ZGRF1: variants seen among roughly 807,000 people sequenced by gnomAD.
The protein encoded by ZGRF1 is 5'-3' DNA helicase ZGRF1.
In ZGRF1, 196 loss-of-function variants were observed where a neutral mutation model predicts 203.5. That is an observed-to-expected ratio of 0.96 (90% confidence interval 0.86 to 1.08). ZGRF1 has a LOEUF of 1.08. Ranked by LOEUF, ZGRF1 falls within the 50% of genes least tolerant of loss-of-function variation. The pLI, the probability that ZGRF1 is intolerant of heterozygous loss-of-function variation, is 0.00. For synonymous variants in ZGRF1, 809 were observed against 841.3 expected (o/e 0.96, Z 0.66); for missense variants, 2,326 against 2,416.3 (o/e 0.96, Z 0.78).
intron 16 of ZGRF1, among the ~76,000 whole-genome samples, chr4:112,573,353 G>A (rs554757364): frequency 6.8e-4 from 103 of 152,104 alleles, no homozygotes; most frequent in Admixed American, 1.3e-3. Context: ...GCTAAGTTAT[G>A]AGGGTACAAA....
rs1268310409 is a variant in ZGRF1, at chr4:112,560,715, T to A, written c.4960+18A>T. 2 of 1,544,754 alleles carry A rather than the reference T, an allele frequency of 1.3e-6. No individual in the cohort carries two copies. Among genetic ancestry groups the A allele is most frequent in the Admixed American group, 4.0e-5 (2 of 50,374 alleles). ...CAAATAGAAAACAATTACAATTATT[T>A]TCTTTCTTGCTTCTTACCATGTATG... On this transcript the variant is annotated intron_variant, in intron 19 of 27. Transcript: ENST00000505019.
chr4:112,633,599 TACC>T (rs1180435870), intron 1 of ZGRF1, among the ~76,000 whole-genome samples: 1 of 152,260 alleles, frequency 6.6e-6, no homozygotes, highest in East Asian at 1.9e-4. Context: ...TTGCTACGGT[TACC>T]ACAAGATGGC....
rs183447990 is a variant in ZGRF1, at chr4:112,624,310, C to T, written c.103-434G>A. On this transcript the variant is annotated intron_variant, in intron 3 of 27. Coordinates refer to ENST00000505019, the MANE Select transcript of ZGRF1 (RefSeq NM_018392.5). ...GCAGGTGGATCACTTGAGGTCTAGA[C>T]CAGCCTGGCCAACATGGCAAAACCC... Among the ~76,000 whole-genome samples the T allele has an allele frequency of 4.6e-5, 7 of 152,012 alleles. No individual in the cohort carries two copies. In the East Asian group the frequency reaches 1.2e-3, roughly 25 times the overall value.
intron 15 of ZGRF1, among the ~76,000 whole-genome samples, chr4:112,582,894 T>C (rs571664515): frequency 6.6e-6 from 1 of 152,324 alleles, no homozygotes; most frequent in East Asian, 1.9e-4. Context: ...CATCCATTGA[T>C]GGACACTTAG....
intron 10 of ZGRF1, among the ~76,000 whole-genome samples, chr4:112,598,973 C>T (rs1578404813): frequency 1.3e-5 from 2 of 151,972 alleles, no homozygotes; most frequent in East Asian, 1.9e-4. Flanking sequence ...ATCACTTGAG[C>T]CTGGGAGACA....
chr4:112,632,407 G>A (rs1250246480), intron 2 of ZGRF1, among the ~76,000 whole-genome samples: 2 of 152,184 alleles, frequency 1.3e-5, no homozygotes, highest in Non-Finnish European at 2.9e-5. Context: ...AATAATCTGT[G>A]CAGTTCTCAA....
chr4:112,586,571 A>G lies in ZGRF1; in HGVS notation c.3790T>C (p.Ser1264Pro). 6.2e-7 allele frequency: 1 copy of G among 1,608,724 alleles called. No homozygotes were observed. The highest frequency in any genetic ancestry group is 8.5e-7 in the Non-Finnish European group (1 of 1,176,912). Residue 1264 changes from serine to proline, a missense_variant, in exon 13 of 28, where the codon TCT becomes CCT. Transcript: ENST00000505019. The part of the protein sequence containing the change: ...SVKDLQEISG[S>P]ELCFPSGQKI... ...TGCCCACTTGGAAAGCACAGCTCAG[A>G]GCCACTTATCTCCTGCAATGGAATA... is the stretch of plus-strand genomic sequence containing the variant.
intron 4 of ZGRF1, among the ~76,000 whole-genome samples, chr4:112,621,223 A>G (rs1232604563): frequency 6.6e-6 from 1 of 152,240 alleles, no homozygotes; most frequent in Non-Finnish European, 1.5e-5. Context: ...CTTTAAATGA[A>G]TAAGATACTC....
In ZGRF1 at chr4:112,540,071, C is replaced by T; in HGVS notation, c.5964G>A (p.Val1988=). The T allele has an allele frequency of 6.2e-7, 1 of 1,601,728 alleles. No homozygotes were observed. The highest frequency in any genetic ancestry group is 2.2e-5 in the East Asian group (1 of 44,692). ...GAAAAGCATCTACTGTGGACACCTG[C>T]ACAGTTTTAATATCAGGATGGTGAA... ...VDFHHPDIKT[V]QVSTVDAFQG... The change falls in exon 27 of 28, where the codon GTG becomes GTA. Residue 1988 remains valine (V), a synonymous_variant. Coordinates refer to ENST00000505019, the MANE Select transcript of ZGRF1 (RefSeq NM_018392.5).
Position 112,625,699 on chromosome 4 carries a change from C to A in ZGRF1, c.103-1823G>T, listed in dbSNP as rs1442521412. Among the ~76,000 whole-genome samples the A allele has an allele frequency of 4.0e-5, 6 of 151,458 alleles. No individual in the cohort carries two copies. The East Asian group carries it at 1.2e-3, about 29-fold the overall frequency. ...ATCACCTGAGGTCAGGAGTTCGAGA[C>A]CAGCCTGACCAACACGGAGAAACCC... On this transcript the variant is annotated intron_variant, in intron 3 of 27. Transcript: ENST00000505019.
intron 6 of ZGRF1, among the ~76,000 whole-genome samples, chr4:112,615,914 C>T (rs548092916): frequency 2.0e-5 from 3 of 152,268 alleles, no homozygotes; most frequent in Non-Finnish European, 2.9e-5. Context: ...GGATTACAGG[C>T]ATGAGCCACT....
chr4:112,608,492 T>C (rs1470468484), intron 8 of ZGRF1, among the ~76,000 whole-genome samples: 1 of 152,026 alleles, frequency 6.6e-6, no homozygotes, highest in Non-Finnish European at 1.5e-5. Flanking sequence ...TGGTAGTGCA[T>C]GCCTGTCACC....
chr4:112,564,158 T>C (rs1202799142), intron 16 of ZGRF1, among the ~76,000 whole-genome samples: 1 of 152,174 alleles, frequency 6.6e-6, no homozygotes, highest in African/African-American at 2.4e-5. Flanking sequence ...ATCAGATCAG[T>C]AAGGATATTA....
intron 26 of ZGRF1, 80 bp from the exon 27 acceptor site, chr4:112,540,204 G>A (rs1737294380): frequency 1.0e-6 from 1 of 968,388 alleles, no homozygotes; most frequent in Non-Finnish European, 1.4e-6. Flanking sequence ...AGCAACCACT[G>A]TAATTTAACT....
chr4:112,619,127 CA>C lies in ZGRF1; in HGVS notation c.914del (p.Met305ArgfsTer17). ...GGTAGTATAAATTTTCTGTGCTCTTCATCTCAGCACACTCTTCCTGTTGAAT... is the reference window on the plus strand; with the variant it reads ...GGTAGTATAAATTTTCTGTGCTCTTCTCTCAGCACACTCTTCCTGTTGAAT... ...YLIQQEECAE[M>X]KSTENLYYQH... On this transcript the variant is annotated frameshift_variant, in exon 6 of 28. Transcript: ENST00000505019. LOFTEE classifies it high-confidence loss of function. The C allele has an allele frequency of 6.2e-7, 1 of 1,613,696 alleles. No homozygotes were observed. Among genetic ancestry groups the C allele is most frequent in the Non-Finnish European group, 8.5e-7 (1 of 1,179,854 alleles).
At chr4:112,545,841 T>C (rs1175828056) in intron 24 of ZGRF1, among the ~76,000 whole-genome samples, 1 of 152,080 alleles carries the variant, frequency 6.6e-6, no homozygotes, top group Non-Finnish European at 1.5e-5. Context: ...TTATGCTAAG[T>C]AAATAAGACA....
At chr4:112,586,315 T>G (rs369027779) in intron 13 of ZGRF1, 130 bp downstream of exon 13, 21 of 664,638 alleles carry the variant, frequency 3.2e-5, no homozygotes, top group East Asian at 3.1e-4. Flanking sequence ...AAAGTTACTG[T>G]CAAAAACTAG....
intron 4 of ZGRF1, 91 bp downstream of exon 4, chr4:112,623,726 T>C (rs2047138058): frequency 1.5e-6 from 1 of 685,630 alleles, no homozygotes; most frequent in Non-Finnish European, 2.6e-6. Flanking sequence ...TTAGTATTAA[T>C]ATTATGACTA....
At chr4:112,563,367 T>C (rs1742376842) in intron 16 of ZGRF1, 93 bp from the exon 17 acceptor site, 1 of 884,658 alleles carries the variant, frequency 1.1e-6, no homozygotes. Context: ...TGTGTGTACA[T>C]ATATCTATAG....
Sources: allele counts gnomAD v4.1 joint callset (sites outside exome capture counted in the v4.1 genomes callset), GRCh38; gene constraint gnomAD v4.1.1; transcripts MANE v1.5; gene names NCBI Gene and HGNC (gene_info 2026-07-23, HGNC 2026-07-21).